The following NPFFR2 variants were observed in gnomAD, a reference collection of about 807,000 sequenced individuals.
NPFFR2 encodes G-protein coupled receptor 74.
Under a neutral mutation model 13.1 loss-of-function variants are expected in NPFFR2, and 15 were observed. The observed-to-expected ratio is 1.15, with a 90% CI of 0.77 to 1.76. The LOEUF is 1.76. Ranked by LOEUF, NPFFR2 falls within the 40% of genes most tolerant of loss-of-function variation. The pLI is 0.00. For synonymous variants in NPFFR2, 190 were observed against 175.7 expected, an observed-to-expected ratio of 1.08 and a Z score of -0.65; for missense variants, 572 against 503.5, an observed-to-expected ratio of 1.14 and a Z score of -1.30.
At chr4:72,048,993 T>C (rs750332696) in intron 1 of NPFFR2, among the ~76,000 whole-genome samples, 1 of 152,222 alleles carries the variant, frequency 6.6e-6, no homozygotes, top group Admixed American at 6.5e-5. Context: ...AAAGAAGATA[T>C]GTAGGGAAGT....
intron 1 of NPFFR2, among the ~76,000 whole-genome samples, chr4:72,067,453 A>G (rs1034906152): frequency 1.3e-5 from 2 of 152,156 alleles, no homozygotes; most frequent in African/African-American, 4.8e-5. Flanking sequence ...CCATTATCTT[A>G]ATGAATAATA....
At position 72,035,829 on chromosome 4, in the gene NPFFR2, GGCTATTGTAAGA is replaced by G. The variant is rs1337644854; in HGVS notation, c.-8+3631_-8+3642del. Among the ~76,000 whole-genome samples, 27 of 151,744 alleles carry G rather than the reference GGCTATTGTAAGA, an allele frequency of 1.8e-4. No individual in the cohort carries two copies. The South Asian group carries it at 5.6e-3, about 32-fold the overall frequency. On this transcript the variant is annotated intron_variant, in intron 1 of 3. Transcript: ENST00000308744. ...ATATTTCTTACTTTTTTTCTTCTTG[GGCTATTGTAAGA>G]GTCTCATTTAGGTGTCTGCATGGAG...
chr4:72,097,235 C>T (rs1044394552), intron 1 of NPFFR2, among the ~76,000 whole-genome samples: 9 of 151,920 alleles, frequency 5.9e-5, no homozygotes, highest in Admixed American at 2.0e-4. Flanking sequence ...TATCAAATAC[C>T]GTTTTTGTGG....
intron 3 of NPFFR2, among the ~76,000 whole-genome samples, chr4:72,146,148 T>C (rs1722776550): frequency 6.6e-6 from 1 of 152,140 alleles, no homozygotes. Flanking sequence ...CATCTCATGA[T>C]TTTGTGGGTT....
intron 1 of NPFFR2, among the ~76,000 whole-genome samples, chr4:72,090,060 C>A (rs1346923104): frequency 3.3e-5 from 5 of 152,156 alleles, no homozygotes; most frequent in African/African-American, 1.2e-4. Flanking sequence ...ATTATCCCAG[C>A]ACCATTTGTT....
intron 1 of NPFFR2, among the ~76,000 whole-genome samples, chr4:72,068,319 G>A (rs1486434327): frequency 6.6e-6 from 1 of 152,174 alleles, no homozygotes; most frequent in Non-Finnish European, 1.5e-5. Context: ...GCATCCTCTG[G>A]AAAGGAGTGC....
chr4:72,048,205 C>T (rs1719433206), intron 1 of NPFFR2, among the ~76,000 whole-genome samples: 1 of 152,028 alleles, frequency 6.6e-6, no homozygotes, highest in Non-Finnish European at 1.5e-5. Flanking sequence ...ACGAAAAGGC[C>T]AGAGACACTC....
At chr4:72,074,666 C>G (rs1720373416) in intron 1 of NPFFR2, among the ~76,000 whole-genome samples, 1 of 152,028 alleles carries the variant, frequency 6.6e-6, no homozygotes, top group Non-Finnish European at 1.5e-5. Flanking sequence ...AAATAAGACC[C>G]TACTACTTAT....
chr4:72,095,652 G>A (rs1230305948), intron 1 of NPFFR2, among the ~76,000 whole-genome samples: 3 of 152,174 alleles, frequency 2.0e-5, no homozygotes, highest in Non-Finnish European at 4.4e-5. Flanking sequence ...CTGGTGGGGA[G>A]AGGCACTATT....
At chr4:72,032,489 C>T (rs534812957) in intron 1 of NPFFR2, among the ~76,000 whole-genome samples, 60 of 152,254 alleles carry the variant, frequency 3.9e-4, no homozygotes, top group African/African-American at 1.4e-3. Context: ...CCCCCCAAGC[C>T]CTCTCCGGGG....
chr4:72,119,898 C>G (rs568391928), intron 1 of NPFFR2, among the ~76,000 whole-genome samples: 2 of 152,162 alleles, frequency 1.3e-5, no homozygotes, highest in East Asian at 3.9e-4. Flanking sequence ...TTTTTTCATA[C>G]CCCAGTGGCA....
At chr4:72,047,997 A>G (rs1719425283) in intron 1 of NPFFR2, among the ~76,000 whole-genome samples, 1 of 152,138 alleles carries the variant, frequency 6.6e-6, no homozygotes, top group African/African-American at 2.4e-5. Context: ...TCAATCTCTC[A>G]TTACAGGGAG....
At chr4:72,146,938 GA>G (rs1356728782) in intron 3 of NPFFR2, 39 bp from the exon 4 acceptor site, 1 of 1,373,402 alleles carries the variant, frequency 7.3e-7, no homozygotes. Flanking sequence ...GGTCAGAAGT[GA>G]TGAAGCAGTG....
intron 1 of NPFFR2, among the ~76,000 whole-genome samples, chr4:72,110,823 C>T (rs1181989342): frequency 6.6e-6 from 1 of 151,932 alleles, no homozygotes; most frequent in African/African-American, 2.4e-5. Context: ...ATAGACCTTC[C>T]TGCATCACCA....
In NPFFR2 at chr4:72,128,867, A is replaced by T. The variant is rs747268905; in HGVS notation, c.276A>T (p.Leu92Phe). ...LFILNLAISD[L>F]LVGIFCMPIT... is the part of the protein sequence containing the mutation. ...TCTTAAACCTGGCCATAAGTGATTT[A>T]CTAGTTGGCATATTCTGCATGCCTA... is the stretch of plus-strand genomic sequence containing the variant. The change falls in exon 2 of 4, where the codon TTA becomes TTT. Residue 92 changes from leucine to phenylalanine, a missense_variant. Physicochemically the swap from Leu to Phe is conservative, Grantham distance 22. Transcript: ENST00000308744. 3 of 1,614,034 alleles carry T rather than the reference A, an allele frequency of 1.9e-6. No individual in the cohort carries two copies. In the Admixed American group the frequency reaches 5.0e-5, roughly 27 times the overall value.
intron 1 of NPFFR2, among the ~76,000 whole-genome samples, chr4:72,125,312 C>G (rs1338838557): frequency 3.3e-5 from 5 of 152,178 alleles, no homozygotes; most frequent in Admixed American, 3.3e-4. Context: ...AAAGGGAATG[C>G]TTTTACACTG....
intron 1 of NPFFR2, among the ~76,000 whole-genome samples, chr4:72,052,826 A>G (rs2109766861): frequency 6.6e-6 from 1 of 152,102 alleles, no homozygotes; most frequent in South Asian, 2.1e-4. Flanking sequence ...TCATGATAAA[A>G]ATCTTGCTCT....
At chr4:72,103,229 A>G (rs1015452120) in intron 1 of NPFFR2, among the ~76,000 whole-genome samples, 1 of 152,164 alleles carries the variant, frequency 6.6e-6, no homozygotes, top group African/African-American at 2.4e-5. Flanking sequence ...AAATTGTTTA[A>G]GGTCTGCTAC....
At chr4:72,075,093 T>TC (rs1409831087) in intron 1 of NPFFR2, among the ~76,000 whole-genome samples, 1 of 152,094 alleles carries the variant, frequency 6.6e-6, no homozygotes, top group African/African-American at 2.4e-5. Context: ...ACCATTTGAG[T>TC]CAGTGGGCTG....
Sources: gnomAD v4.1 joint callset for allele counts (sites outside exome capture counted in the v4.1 genomes callset) on GRCh38, gnomAD v4.1.1 for gene constraint, MANE v1.5 for transcripts, NCBI Gene and HGNC (gene_info 2026-07-23, HGNC 2026-07-21) for gene names.